RASGRF1: variants seen among roughly 807,000 people sequenced by gnomAD.
RASGRF1 encodes the protein ras-specific guanine nucleotide-releasing factor 1.
In RASGRF1, 40 loss-of-function variants were observed where a neutral mutation model predicts 138.7. The ratio of observed to expected loss-of-function variants is 0.29; its 90% CI spans 0.22 to 0.38. RASGRF1 has a LOEUF of 0.38. RASGRF1 is among the 10% of genes least tolerant of loss of function. RASGRF1 has a pLI of 1.00. For synonymous variants in RASGRF1, 614 were observed against 663.2 expected (o/e 0.93, Z 1.14); for missense variants, 1,108 against 1,650.4 (o/e 0.67, Z 5.69).
intron 1 of RASGRF1, among the ~76,000 whole-genome samples, chr15:79,087,412 T>C (rs2057995743): frequency 6.6e-6 from 1 of 152,224 alleles, no homozygotes; most frequent in South Asian, 2.1e-4. Context: ...TTGGTTTCTA[T>C]TCCTTCAAAA....
chr15:78,987,852 G>C (rs1037367942), intron 22 of RASGRF1, among the ~76,000 whole-genome samples: 1 of 152,162 alleles, frequency 6.6e-6, no homozygotes, highest in Admixed American at 6.5e-5. Context: ...AGGGCGAGTA[G>C]CTCCTTCGAT....
intron 1 of RASGRF1, among the ~76,000 whole-genome samples, chr15:79,072,400 C>G (rs1023851098): frequency 1.3e-5 from 2 of 149,810 alleles, no homozygotes; most frequent in Non-Finnish European, 3.0e-5. Flanking sequence ...CTCAGCCTCC[C>G]GAGGAGCTGG....
intron 4 of RASGRF1, among the ~76,000 whole-genome samples, chr15:79,047,213 T>C (rs2057366805): frequency 6.6e-6 from 1 of 152,156 alleles, no homozygotes; most frequent in Admixed American, 6.5e-5. Flanking sequence ...AGTTTTCCCA[T>C]CTGTAAAATG....
At chr15:79,035,103 G>A in intron 6 of RASGRF1, 28 bp downstream of exon 6, 3 of 1,587,760 alleles carry the variant, frequency 1.9e-6, no homozygotes, top group Non-Finnish European at 1.7e-6. Flanking sequence ...GACTTCTCTG[G>A]GGGCCGCAGT....
At position 79,046,906 on chromosome 15, in the gene RASGRF1, T is replaced by C. The variant is rs1220818946; in HGVS notation, c.718A>G (p.Lys240Glu). 2 of 1,614,066 alleles carry C rather than the reference T, an allele frequency of 1.2e-6. No individual in the cohort carries two copies. Among genetic ancestry groups the C allele is most frequent in the Non-Finnish European group, 1.7e-6 (2 of 1,180,030 alleles). The change falls in exon 5 of 27, where the codon AAG becomes GAG. Residue 240 changes from lysine to glutamate, a missense_variant. Lys to Glu is a moderately conservative substitution (Grantham distance 56). Transcript: ENST00000558480. The surrounding 1 kb of genome is among the most constrained non-coding windows in gnomAD (Gnocchi z 5.3). ...IRSPHADSMR[K>E]RNQVVFSMLE... ...ATGCTGAACACCACCTGGTTCCTCT[T>C]GCGCATGCTGTCAGCATGGGGTGAC...
In RASGRF1 at chr15:79,006,727, G is replaced by A. The variant is rs956185410; in HGVS notation, c.1827-293C>T. ...GAACTCTGTTTACACAAATGTGTAT[G>A]TGGATGGGGTGCAGTGGCTCACGCC... is the stretch of plus-strand genomic sequence containing the variant. On this transcript the variant is annotated intron_variant, in intron 13 of 26. Transcript: ENST00000558480. This position sits in a 1 kb window ranked among gnomAD's most constrained non-coding sequence, Gnocchi z 4.0. 2.0e-5 allele frequency among the ~76,000 whole-genome samples: 3 copies of A among 152,230 alleles called. No individual in the cohort carries two copies. The highest frequency in any genetic ancestry group is 6.5e-5 in the Admixed American group (1 of 15,290).
In RASGRF1 at chr15:79,046,682, G is replaced by A; in HGVS notation, c.878+64C>T. 2.5e-6 allele frequency: 4 copies of A among 1,593,454 alleles called. No homozygotes were observed. Among genetic ancestry groups the A allele is most frequent in the East Asian group, 2.2e-5 (1 of 44,490 alleles). On this transcript the variant is annotated intron_variant, in intron 5 of 26. Transcript: ENST00000558480. This position sits in a 1 kb window ranked among gnomAD's most constrained non-coding sequence, Gnocchi z 5.3. The stretch of plus-strand genomic sequence containing the variant: ...GAACCACGTGAGAGAGTGTGTCAAA[G>A]CTTAGCTGCGGCCAATGCTCACTAG...
chr15:79,068,596 T>TTA (rs1333680838), intron 1 of RASGRF1, among the ~76,000 whole-genome samples: 3 of 147,146 alleles, frequency 2.0e-5, no homozygotes, highest in Non-Finnish European at 3.0e-5. Context: ...ACATATATAT[T>TTA]TATATATATG....
At chr15:79,047,528 G>C (rs746989426) in intron 4 of RASGRF1, among the ~76,000 whole-genome samples, 8 of 152,198 alleles carry the variant, frequency 5.3e-5, no homozygotes, top group Non-Finnish European at 8.8e-5. Context: ...GGATAGAAGG[G>C]TGATTATCAA....
At chr15:78,970,390 G>T (rs1309836562) in intron 26 of RASGRF1, among the ~76,000 whole-genome samples, 1 of 152,002 alleles carries the variant, frequency 6.6e-6, no homozygotes, top group Non-Finnish European at 1.5e-5. Flanking sequence ...GCATAGTGGC[G>T]TGCCAGACCA....
In RASGRF1 at chr15:79,015,361, C is replaced by G; in HGVS notation, c.1792G>C (p.Glu598Gln). The G allele has an allele frequency of 6.2e-7, 1 of 1,614,132 alleles. No individual in the cohort carries two copies. The highest frequency in any genetic ancestry group is 8.5e-7 in the Non-Finnish European group (1 of 1,179,944). ...CNGLMMNAFE[E>Q]NSKVTVPQMI... is the part of the protein sequence containing the mutation. Reference sequence around the variant, plus strand: ...TGCGGCACAGTGACCTTGGAATTTTCTTCAAATGCGTTCATCATGAGCCCA... The same window carrying G: ...TGCGGCACAGTGACCTTGGAATTTTGTTCAAATGCGTTCATCATGAGCCCA... Residue 598 changes from glutamate to glutamine, a missense_variant, in exon 13 of 27, where the codon GAA (glutamate) becomes CAA (glutamine). Physicochemically the swap from Glu to Gln is conservative, Grantham distance 29 (BLOSUM62 2). This residue lies in a region of RASGRF1 where 686 missense variants were observed against 976.7 expected (regional missense o/e 0.70). Transcript: ENST00000558480.
At chr15:79,041,204 C>G (rs539644109) in intron 5 of RASGRF1, among the ~76,000 whole-genome samples, 9 of 152,304 alleles carry the variant, frequency 5.9e-5, no homozygotes, top group Admixed American at 5.9e-4. Context: ...TATAGCCACA[C>G]TCATTTGTTT....
At chr15:79,014,789 C>T (rs1042392453) in intron 13 of RASGRF1, among the ~76,000 whole-genome samples, 1 of 151,938 alleles carries the variant, frequency 6.6e-6, no homozygotes, top group East Asian at 1.9e-4. Context: ...TGGTGGCACA[C>T]GCCTGTAGTT....
intron 22 of RASGRF1, chr15:78,985,772 A>G (rs1261621479): frequency 6.6e-6 from 1 of 152,346 alleles, no homozygotes; most frequent in East Asian, 1.9e-4. Context: ...ACACACAAAA[A>G]AAATTAGCTG....
At chr15:78,976,692 A>G (rs1189208514) in intron 24 of RASGRF1, among the ~76,000 whole-genome samples, 1 of 152,198 alleles carries the variant, frequency 6.6e-6, no homozygotes, top group Non-Finnish European at 1.5e-5. Flanking sequence ...ACTGAGCCAC[A>G]CCGAGCCTCT....
chr15:79,020,617 T>C (rs927491983), intron 10 of RASGRF1, among the ~76,000 whole-genome samples: 2 of 152,230 alleles, frequency 1.3e-5, no homozygotes, highest in African/African-American at 4.8e-5. Context: ...GCAGTGAGTC[T>C]GGAGAGAGCC....
intron 17 of RASGRF1, among the ~76,000 whole-genome samples, chr15:78,999,213 A>G (rs2056462866): frequency 6.6e-6 from 1 of 152,114 alleles, no homozygotes; most frequent in Non-Finnish European, 1.5e-5. Context: ...AGAGGTTCCC[A>G]TGGGCAATGG....
intron 3 of RASGRF1, 26 bp downstream of exon 3, chr15:79,058,307 TG>T: frequency 6.2e-7 from 1 of 1,607,528 alleles, no homozygotes. Context: ...GCCTAGGGCC[TG>T]GGCCCACCCC....
intron 1 of RASGRF1, among the ~76,000 whole-genome samples, chr15:79,066,668 A>G (rs1216558242): frequency 6.6e-6 from 1 of 152,192 alleles, no homozygotes; most frequent in Non-Finnish European, 1.5e-5. Flanking sequence ...CCTACTGGGT[A>G]GGGAAGCAGA....
Sources: allele counts gnomAD v4.1 joint callset (sites outside exome capture counted in the v4.1 genomes callset), GRCh38; gene constraint gnomAD v4.1.1; regional missense constraint gnomAD v4.1.1; non-coding constraint Gnocchi (gnomAD v3.1); transcripts MANE v1.5; gene names NCBI Gene and HGNC (gene_info 2026-07-23, HGNC 2026-07-21).